The following VDAC1 variants were observed in gnomAD, a reference collection of about 807,000 sequenced individuals.
The protein encoded by VDAC1 is non-selective voltage-gated ion channel VDAC1.
Under a neutral mutation model 34.7 loss-of-function variants are expected in VDAC1, and 10 were observed. That is an observed-to-expected ratio of 0.29 (90% confidence interval 0.18 to 0.49). The LOEUF (loss-of-function observed/expected upper bound fraction) is 0.49. VDAC1 is among the 20% of genes least tolerant of loss of function. The probability of loss-of-function intolerance (pLI) is 0.99; values close to 1 mark genes in which losing one functional copy is unlikely to be tolerated. For synonymous variants in VDAC1, 130 were observed against 136.0 expected (o/e 0.96, Z 0.30); for missense variants, 230 against 347.9 (o/e 0.66, Z 2.69).
the VDAC1 span, among the ~76,000 whole-genome samples, chr5:134,103,618 G>A: frequency 3.9e-5 from 6 of 152,194 alleles, no homozygotes; most frequent in Admixed American, 1.3e-4. Context: ...CATTTCTCAC[G>A]CTTGGAAATG....
the VDAC1 span, among the ~76,000 whole-genome samples, chr5:134,057,469 G>T: frequency 7.3e-6 from 1 of 136,376 alleles, no homozygotes; most frequent in African/African-American, 2.7e-5. Flanking sequence ...GACAGAGTGA[G>T]GCTCCGTCTC....
intron 1 of VDAC1, among the ~76,000 whole-genome samples, chr5:133,996,899 C>CTCCA (rs1374810324): frequency 6.6e-6 from 1 of 152,078 alleles, no homozygotes; most frequent in Admixed American, 6.6e-5. Flanking sequence ...TAGCAATGAC[C>CTCCA]TCCACTCCCT....
the VDAC1 span, among the ~76,000 whole-genome samples, chr5:134,048,918 A>C: frequency 6.6e-6 from 1 of 152,172 alleles, no homozygotes; most frequent in Non-Finnish European, 1.5e-5. Flanking sequence ...TGAGTGAATG[A>C]ATGAATGAAC....
chr5:134,099,801 T>C, the VDAC1 span, among the ~76,000 whole-genome samples: 1,979 of 152,348 alleles, frequency 0.013, 43 homozygotes, highest in African/African-American at 0.045. Context: ...CAGGCCGGTC[T>C]CAAACTCCTG....
At chr5:133,978,833 C>T (rs373611234) in intron 6 of VDAC1, among the ~76,000 whole-genome samples, 2 of 152,086 alleles carry the variant, frequency 1.3e-5, no homozygotes, top group Admixed American at 6.5e-5. Flanking sequence ...GGCAACATGG[C>T]GAAATCCTGC....
chr5:133,985,097 G>T (rs536255303), intron 5 of VDAC1, among the ~76,000 whole-genome samples: 1 of 152,280 alleles, frequency 6.6e-6, no homozygotes, highest in African/African-American at 2.4e-5. Context: ...TGAATGCAGG[G>T]ATCCACTGTC....
intron 5 of VDAC1, among the ~76,000 whole-genome samples, chr5:133,985,454 G>T (rs1752870470): frequency 6.6e-6 from 1 of 152,150 alleles, no homozygotes; most frequent in Non-Finnish European, 1.5e-5. Context: ...AGGAGTTGGA[G>T]ACCAGCCTGG....
At chr5:133,983,180 C>T (rs138454751) in intron 5 of VDAC1, among the ~76,000 whole-genome samples, 2,281 of 149,638 alleles carry the variant, frequency 0.015, 53 homozygotes, top group African/African-American at 0.054. Flanking sequence ...ACCCGGGAGG[C>T]GGAGGCTGCG....
chr5:134,003,981 C>T (rs1014408434), intron 1 of VDAC1, among the ~76,000 whole-genome samples: 2 of 152,256 alleles, frequency 1.3e-5, no homozygotes, highest in Non-Finnish European at 2.9e-5. Context: ...CACATCCTTC[C>T]CCGTGGGGCC....
At chr5:134,081,098 C>T in the VDAC1 span, among the ~76,000 whole-genome samples, 4 of 150,988 alleles carry the variant, frequency 2.6e-5, no homozygotes, top group African/African-American at 4.9e-5. Flanking sequence ...AGTGCAATGG[C>T]GCGATCTCAG....
intron 1 of VDAC1, among the ~76,000 whole-genome samples, chr5:134,000,521 C>G (rs1436645882): frequency 6.6e-6 from 1 of 152,172 alleles, no homozygotes; most frequent in Non-Finnish European, 1.5e-5. Flanking sequence ...TAAGGCACCT[C>G]AAGTTCCCTG....
chr5:134,094,874 G>A, the VDAC1 span, among the ~76,000 whole-genome samples: 1 of 152,166 alleles, frequency 6.6e-6, no homozygotes, highest in Non-Finnish European at 1.5e-5. Flanking sequence ...GCCACTGCTG[G>A]GCTCCTGCCC....
At chr5:134,060,941 G>A in the VDAC1 span, among the ~76,000 whole-genome samples, 12 of 131,624 alleles carry the variant, frequency 9.1e-5, no homozygotes, top group East Asian at 1.2e-3. Flanking sequence ...GCAATGGTGC[G>A]ATCAGCTCAC....
At chr5:134,110,855 A>G in the VDAC1 span, among the ~76,000 whole-genome samples, 2 of 152,290 alleles carry the variant, frequency 1.3e-5, no homozygotes, top group Non-Finnish European at 2.9e-5. Flanking sequence ...AGCTTGAAAG[A>G]AAAGGAAAGG....
the VDAC1 span, among the ~76,000 whole-genome samples, chr5:134,071,213 C>T: frequency 6.6e-6 from 1 of 152,252 alleles, no homozygotes; most frequent in Non-Finnish European, 1.5e-5. This position sits in a 1 kb window ranked among gnomAD's most constrained non-coding sequence, Gnocchi z 4.1. Context: ...GGGTGCCACC[C>T]TCCCCTTCCC....
At chr5:134,090,160 T>A in the VDAC1 span, among the ~76,000 whole-genome samples, 1 of 152,150 alleles carries the variant, frequency 6.6e-6, no homozygotes, top group Admixed American at 6.5e-5. Flanking sequence ...CTCCGAGCAC[T>A]ATCCATGCTG....
chr5:134,008,337 TG>T (rs1753788683), upstream of VDAC1, among the ~76,000 whole-genome samples: 1 of 152,216 alleles, frequency 6.6e-6, no homozygotes, highest in Non-Finnish European at 1.5e-5. Flanking sequence ...AACGGCCTCC[TG>T]TTTTGCCTAG....
chr5:134,012,672 A>G, the VDAC1 span, among the ~76,000 whole-genome samples: 1 of 152,238 alleles, frequency 6.6e-6, no homozygotes, highest in Non-Finnish European at 1.5e-5. Flanking sequence ...TGCCAAAAGC[A>G]ATCTGCAGAT....
the VDAC1 span, among the ~76,000 whole-genome samples, chr5:134,092,742 G>A: frequency 6.6e-6 from 1 of 151,702 alleles, no homozygotes; most frequent in African/African-American, 2.4e-5. Flanking sequence ...TGGAACCACT[G>A]GTGTCAGATT....
Sources: gnomAD v4.1 joint callset for allele counts (sites outside exome capture counted in the v4.1 genomes callset) on GRCh38, gnomAD v4.1.1 for gene constraint, Gnocchi (gnomAD v3.1) non-coding constraint, MANE v1.5 for transcripts, NCBI Gene and HGNC (gene_info 2026-07-23, HGNC 2026-07-21) for gene names.